SEMA3A: variants seen among roughly 807,000 people sequenced by gnomAD.
SEMA3A encodes semaphorin 3A, also known as semaphorin-3A.
SEMA3A carries 29 observed loss-of-function variants against 97.9 expected under a neutral mutation model. The ratio of observed to expected loss-of-function variants is 0.30; its 90% confidence interval spans 0.22 to 0.40. The LOEUF is 0.40. Ranked by LOEUF, SEMA3A falls within the 10% of genes least tolerant of loss-of-function variation. The pLI is 1.00. For synonymous variants in SEMA3A, 321 were observed against 323.7 expected, an observed-to-expected ratio of 0.99 and a Z score of 0.09; for missense variants, 763 against 951.3, an observed-to-expected ratio of 0.80 and a Z score of 2.60.
rs1442525246 is a variant in SEMA3A, at chr7:84,288,254, C to G, written c.-83+18953G>C. On this transcript the variant is annotated intron_variant, in intron 3 of 3. Transcript: ENST00000424555. Reference sequence around the variant, plus strand: ...GTGTGGCCCACCATGCCCAGCTAATCTTTAAACAAATTTTAAGTAAATTTT... The same window carrying G: ...GTGTGGCCCACCATGCCCAGCTAATGTTTAAACAAATTTTAAGTAAATTTT... Among the ~76,000 whole-genome samples the G allele has an allele frequency of 2.6e-5, 4 of 152,024 alleles. 1 individual carries two copies. The South Asian group carries it at 8.3e-4, about 32-fold the overall frequency.
intron 1 of SEMA3A, among the ~76,000 whole-genome samples, chr7:84,438,658 T>C (rs1805196689): frequency 6.6e-6 from 1 of 151,970 alleles, no homozygotes. Flanking sequence ...TTCCCCATGA[T>C]CTGAGTAAGG....
intron 1 of SEMA3A, among the ~76,000 whole-genome samples, chr7:84,423,594 CATCTAT>C (rs1460538259): frequency 6.6e-6 from 1 of 151,982 alleles, no homozygotes; most frequent in Non-Finnish European, 1.5e-5. Flanking sequence ...ATAGTTATAT[CATCTAT>C]ATCTATATTT....
intron 3 of SEMA3A, among the ~76,000 whole-genome samples, chr7:84,260,940 G>A (rs191313321): frequency 6.7e-4 from 102 of 152,274 alleles, no homozygotes; most frequent in African/African-American, 2.4e-3. Flanking sequence ...GTGGCCAGGA[G>A]TGAAAACTTA....
chr7:84,091,288 GAAAGAA>G (rs1199522493), intron 4 of SEMA3A, among the ~76,000 whole-genome samples: 2 of 105,816 alleles, frequency 1.9e-5, no homozygotes, highest in African/African-American at 6.3e-5. Flanking sequence ...AAGAAAGAAA[GAAAGAA>G]AAAGAAAAAG....
intron 2 of SEMA3A, among the ~76,000 whole-genome samples, chr7:84,366,013 T>C (rs1347949985): frequency 6.6e-6 from 1 of 151,454 alleles, no homozygotes; most frequent in Non-Finnish European, 1.5e-5. Flanking sequence ...AACTAAATGA[T>C]TTAAATATCA....
intron 5 of SEMA3A, among the ~76,000 whole-genome samples, chr7:84,046,877 T>C (rs1484022468): frequency 6.6e-6 from 1 of 152,074 alleles, no homozygotes; most frequent in Admixed American, 6.6e-5. Context: ...TAAAATCTTA[T>C]TCATAGCTTT....
At chr7:83,962,003 G>T (rs1788492294) in intron 16 of SEMA3A, among the ~76,000 whole-genome samples, 177 bp from the exon 17 acceptor site, 1 of 152,050 alleles carries the variant, frequency 6.6e-6, no homozygotes, top group Non-Finnish European at 1.5e-5. Flanking sequence ...TATAATATCT[G>T]TCAATTGTTT....
intron 1 of SEMA3A, among the ~76,000 whole-genome samples, chr7:84,411,999 T>C (rs1279176159): frequency 6.6e-6 from 1 of 152,164 alleles, no homozygotes; most frequent in Non-Finnish European, 1.5e-5. Context: ...TTCTACAAAT[T>C]CTACAACACT....
intron 1 of SEMA3A, among the ~76,000 whole-genome samples, chr7:84,408,402 G>A (rs1003469923): frequency 2.7e-4 from 41 of 151,884 alleles, no homozygotes; most frequent in Non-Finnish European, 4.6e-4. Flanking sequence ...AACAGGTGCT[G>A]GAGAGGATGT....
chr7:84,366,259 C>G (rs2116083724), intron 2 of SEMA3A, among the ~76,000 whole-genome samples: 1 of 151,408 alleles, frequency 6.6e-6, no homozygotes, highest in Admixed American at 6.6e-5. Context: ...CATATATTTA[C>G]TGTGAACCTA....
At chr7:84,472,245 A>C (rs1017149594) in intron 1 of SEMA3A, among the ~76,000 whole-genome samples, 1 of 152,130 alleles carries the variant, frequency 6.6e-6, no homozygotes, top group African/African-American at 2.4e-5. Context: ...ACAATGACAA[A>C]CATGAGTTAT....
At chr7:84,039,507 T>C (rs533382236) in intron 6 of SEMA3A, among the ~76,000 whole-genome samples, 29 of 152,146 alleles carry the variant, frequency 1.9e-4, no homozygotes, top group Admixed American at 1.7e-3. Flanking sequence ...TAAGGCTATA[T>C]GAAAAAGACA....
At chr7:84,187,568 G>C (rs901989899) in intron 1 of SEMA3A, among the ~76,000 whole-genome samples, 1 of 151,976 alleles carries the variant, frequency 6.6e-6, no homozygotes, top group African/African-American at 2.4e-5. Flanking sequence ...ACTGTTTATG[G>C]AGATAGTATT....
chr7:84,396,569 G>A (rs1325081930), intron 1 of SEMA3A, among the ~76,000 whole-genome samples: 3 of 151,828 alleles, frequency 2.0e-5, no homozygotes, highest in Non-Finnish European at 4.4e-5. Flanking sequence ...ATAATTTCAT[G>A]TAAGAACTAC....
intron 1 of SEMA3A, among the ~76,000 whole-genome samples, chr7:84,479,409 C>T (rs1170674720): frequency 6.6e-6 from 1 of 152,248 alleles, no homozygotes; most frequent in East Asian, 1.9e-4. Flanking sequence ...GTGGAATGGT[C>T]AACTTTCAAT....
intron 3 of SEMA3A, among the ~76,000 whole-genome samples, chr7:84,204,406 G>A (rs1562850777): frequency 6.6e-6 from 1 of 152,070 alleles, no homozygotes; most frequent in African/African-American, 2.4e-5. Context: ...CAAGGACATC[G>A]AGGATCCCAC....
At chr7:84,089,800 C>T (rs759633960) in intron 4 of SEMA3A, among the ~76,000 whole-genome samples, 2 of 144,348 alleles carry the variant, frequency 1.4e-5, no homozygotes, top group Non-Finnish European at 3.1e-5. Context: ...ACTTTATATA[C>T]CTAGATTTAT....
chr7:84,209,531 A>C (rs2116315435), intron 3 of SEMA3A, among the ~76,000 whole-genome samples: 1 of 152,314 alleles, frequency 6.6e-6, no homozygotes, highest in Non-Finnish European at 1.5e-5. Context: ...TGGATTAGAT[A>C]AATTCCACCT....
At chr7:84,073,375 A>G (rs1466504658) in intron 4 of SEMA3A, among the ~76,000 whole-genome samples, 2 of 152,108 alleles carry the variant, frequency 1.3e-5, no homozygotes, top group Non-Finnish European at 2.9e-5. Flanking sequence ...TCTAGAGAAA[A>G]TAGCACCAGC....
Sources: allele counts gnomAD v4.1 joint callset (sites outside exome capture counted in the v4.1 genomes callset), GRCh38; gene constraint gnomAD v4.1.1; transcripts MANE v1.5; gene names NCBI Gene and HGNC (gene_info 2026-07-23, HGNC 2026-07-21).